Variants in DDX42 observed in about 807,000 individuals in gnomAD.
DDX42 encodes the protein DEAD-box helicase 42, also known as ATP-dependent RNA helicase DDX42.
A neutral mutation model predicts 101.5 loss-of-function variants in DDX42; 22 were observed. The observed-to-expected ratio is 0.22, with a 90% CI of 0.15 to 0.31. The LOEUF (loss-of-function observed/expected upper bound fraction) is 0.31, where lower values mean the gene tolerates loss of function less well. Among genes scored for constraint, DDX42 ranks in the 10% least tolerant of loss-of-function variants. The pLI is 1.00. For synonymous variants in DDX42, 402 were observed against 401.2 expected (o/e 1.00, Z -0.02); for missense variants, 849 against 1,199.9 (o/e 0.71, Z 4.32).
At chr17:63,782,360 A>G (rs964693271) in intron 1 of DDX42, among the ~76,000 whole-genome samples, 1 of 152,012 alleles carries the variant, frequency 6.6e-6, no homozygotes, top group East Asian at 1.9e-4. Flanking sequence ...AGTAACCTCA[A>G]ATGCAAATGG....
intron 15 of DDX42, 63 bp downstream of exon 15, chr17:63,813,517 TG>T (rs2039938099): frequency 6.9e-7 from 1 of 1,451,544 alleles, no homozygotes; most frequent in Non-Finnish European, 9.5e-7. Flanking sequence ...TTAGCAGTCC[TG>T]GAACAGATAA....
Position 63,808,797 on chromosome 17 carries a change from ATATAT to A in DDX42, c.1024-19_1024-15del, listed in dbSNP as rs1429871172. 1 of 1,612,706 alleles carries A rather than the reference ATATAT, an allele frequency of 6.2e-7. No individual in the cohort carries two copies. Among genetic ancestry groups the A allele is most frequent in the East Asian group, 2.2e-5 (1 of 44,834 alleles). On this transcript the variant is annotated intron_variant, in intron 9 of 17. Coordinates refer to ENST00000389924, the MANE Select transcript of DDX42 (RefSeq NM_203499.3). ...TATTTGTTAGTGTCACAGTTTGTTA[ATATAT>A]TATTCACAACTTTGTAGATCCATGC...
At chr17:63,811,661 AGAGAATC>A (rs1475931241) in intron 13 of DDX42, 2 of 547,510 alleles carry the variant, frequency 3.7e-6, no homozygotes, top group African/African-American at 3.8e-5. Context: ...ATGGCTGCTT[AGAGAATC>A]CTTCAGTTGC....
intron 6 of DDX42, among the ~76,000 whole-genome samples, chr17:63,804,146 TAAAAAA>T (rs781468851): frequency 4.7e-4 from 72 of 152,118 alleles, no homozygotes; most frequent in Middle Eastern, 3.4e-3. Flanking sequence ...ATATTTTTCT[TAAAAAA>T]TAAGTTTAAG....
chr17:63,793,997 G>A (rs573688501), intron 3 of DDX42, among the ~76,000 whole-genome samples: 1 of 151,962 alleles, frequency 6.6e-6, no homozygotes, highest in East Asian at 1.9e-4. Flanking sequence ...TTGCTTAGTA[G>A]TCCTGAAGGT....
intron 11 of DDX42, 140 bp downstream of exon 11, chr17:63,809,799 G>T: frequency 3.2e-6 from 2 of 634,392 alleles, no homozygotes. Context: ...ATATAGCTAA[G>T]ATGAACATTT....
intron 13 of DDX42, 82 bp from the exon 14 acceptor site, chr17:63,811,850 G>A (rs2039913959): frequency 1.3e-6 from 2 of 1,497,822 alleles, no homozygotes; most frequent in Non-Finnish European, 1.8e-6. Context: ...CTCGATGCAG[G>A]TAGAAATATA....
intron 2 of DDX42, 78 bp from the exon 3 acceptor site, chr17:63,792,334 A>T (rs994956710): frequency 6.8e-7 from 1 of 1,472,340 alleles, no homozygotes; most frequent in Admixed American, 1.9e-5. Flanking sequence ...ATATACCATA[A>T]TAAAAATGTT....
chr17:63,795,029 C>A (rs2144553202), intron 3 of DDX42, among the ~76,000 whole-genome samples: 1 of 152,016 alleles, frequency 6.6e-6, no homozygotes, highest in South Asian at 2.1e-4. Flanking sequence ...CCAGAATACA[C>A]CTCTCCTCCA....
intron 15 of DDX42, 101 bp from the exon 16 acceptor site, chr17:63,815,462 C>T (rs2144591526): frequency 6.1e-6 from 5 of 815,324 alleles, no homozygotes; most frequent in South Asian, 1.7e-5. Flanking sequence ...GAAAATTAAG[C>T]AAAAGTTCCC....
At position 63,814,675 on chromosome 17, in the gene DDX42, C is replaced by CTTTTTTTTTTT. The variant is rs58211962; in HGVS notation, c.1903-875_1903-865dup. The stretch of plus-strand genomic sequence containing the variant: ...ACTTTAACCTTCCCAGAGACATTTG[C>CTTTTTTTTTTT]TTTTTTTTTTTTTTTTTTTTTTTCT... On this transcript the variant is annotated intron_variant, in intron 15 of 17. Transcript: ENST00000389924. 8.4e-4 allele frequency among the ~76,000 whole-genome samples: 76 copies of CTTTTTTTTTTT among 90,466 alleles called. 2 individuals are homozygous for CTTTTTTTTTTT. Among genetic ancestry groups the CTTTTTTTTTTT allele is most frequent in the Non-Finnish European group, 9.3e-4 (46 of 49,720 alleles). 59.3% of individuals were successfully genotyped at this position (90,466 alleles called of 152,430 possible).
chr17:63,775,510 A>G (rs2039409747), intron 1 of DDX42, among the ~76,000 whole-genome samples: 1 of 152,194 alleles, frequency 6.6e-6, no homozygotes, highest in South Asian at 2.1e-4. Flanking sequence ...TGGAATTTGC[A>G]ATAAAGTGGT....
chr17:63,815,748 T>A, intron 16 of DDX42, 75 bp downstream of exon 16: 1 of 1,039,516 alleles, frequency 9.6e-7, no homozygotes, highest in Non-Finnish European at 1.4e-6. Context: ...TATTCTCATC[T>A]ACCCAGGAAA....
In DDX42 at chr17:63,806,668, A is replaced by G; in HGVS notation, c.846+14A>G. The stretch of plus-strand genomic sequence containing the variant: ...ATACAGTGCCAGGTAAGTAAAACAT[A>G]ATGAAAGAAAAATAAAGTAGGGTAG... On this transcript the variant is annotated intron_variant, in intron 8 of 17. Transcript: ENST00000389924. 6.3e-7 allele frequency: 1 copy of G among 1,592,632 alleles called. No individual in the cohort carries two copies. The highest frequency in any genetic ancestry group is 1.1e-5 in the South Asian group (1 of 86,996).
At chr17:63,815,771 T>A in intron 16 of DDX42, 98 bp downstream of exon 16, 1 of 760,786 alleles carries the variant, frequency 1.3e-6, no homozygotes. Context: ...CTCAGTGAGT[T>A]TAAAGCCCTG....
intron 1 of DDX42, among the ~76,000 whole-genome samples, chr17:63,786,014 C>A (rs1293637565): frequency 6.6e-6 from 1 of 152,166 alleles, no homozygotes; most frequent in East Asian, 1.9e-4. Flanking sequence ...TTGCACATAT[C>A]AGATTCCCCA....
chr17:63,783,717 T>G (rs955460274), intron 1 of DDX42, among the ~76,000 whole-genome samples: 2 of 152,034 alleles, frequency 1.3e-5, no homozygotes, highest in Non-Finnish European at 2.9e-5. Context: ...AAAGACAGTT[T>G]CTATCTGGAG....
intron 2 of DDX42, among the ~76,000 whole-genome samples, chr17:63,792,045 C>CA (rs36034247): frequency 0.33 from 45,366 of 137,942 alleles, 7,810 homozygotes; most frequent in African/African-American, 0.49. Flanking sequence ...AACCCCGTCT[C>CA]AAAAAAAAAA....
At chr17:63,816,784 A>G (rs2039981370) in intron 16 of DDX42, 84 bp from the exon 17 acceptor site, 2 of 1,018,096 alleles carry the variant, frequency 2.0e-6, no homozygotes, top group South Asian at 1.7e-5. Flanking sequence ...TCCCACTTCA[A>G]GGGTTTTCAT....
Sources: allele counts gnomAD v4.1 joint callset (sites outside exome capture counted in the v4.1 genomes callset), GRCh38; gene constraint gnomAD v4.1.1; transcripts MANE v1.5; gene names NCBI Gene and HGNC (gene_info 2026-07-23, HGNC 2026-07-21).